DOCK3: variants seen among roughly 807,000 people sequenced by gnomAD.
DOCK3 encodes dedicator of cytokinesis protein 3.
DOCK3 carries 60 observed loss-of-function variants against 265.6 expected under a neutral mutation model. The observed-to-expected ratio is 0.23, with a 90% CI of 0.18 to 0.28. The LOEUF is 0.28. DOCK3 is among the 10% of genes least tolerant of loss of function. The pLI, the probability that DOCK3 is intolerant of heterozygous loss-of-function variation, is 1.00. For synonymous variants in DOCK3, 881 were observed against 938.0 expected (o/e 0.94, Z 1.11); for missense variants, 1,981 against 2,594.3 (o/e 0.76, Z 5.14).
intron 9 of DOCK3, among the ~76,000 whole-genome samples, chr3:51,136,107 C>G (rs1240752697): frequency 6.6e-6 from 1 of 152,130 alleles, no homozygotes; most frequent in East Asian, 1.9e-4. Context: ...CCTGGAATAC[C>G]TTTTTCTTCA....
chr3:51,347,632 A>G (rs1345746173), intron 38 of DOCK3, among the ~76,000 whole-genome samples: 9 of 152,002 alleles, frequency 5.9e-5, no homozygotes, highest in South Asian at 4.2e-4. Flanking sequence ...GCTCTTTTTC[A>G]GTTCCATATG....
chr3:51,161,272 G>A (rs1301433583), intron 12 of DOCK3, among the ~76,000 whole-genome samples: 1 of 151,586 alleles, frequency 6.6e-6, no homozygotes, highest in Non-Finnish European at 1.5e-5. Context: ...GTGAAACCCT[G>A]TCTCTACTAA....
intron 27 of DOCK3, among the ~76,000 whole-genome samples, chr3:51,282,947 T>G (rs182122177): frequency 8.9e-4 from 135 of 152,224 alleles, no homozygotes; most frequent in Non-Finnish European, 1.7e-3. Context: ...AGCAAAATAC[T>G]AGCAAACTGA....
chr3:50,785,085 A>G (rs894024669), intron 2 of DOCK3, among the ~76,000 whole-genome samples: 32 of 152,212 alleles, frequency 2.1e-4, no homozygotes, highest in African/African-American at 7.7e-4. Context: ...TGAACCTGGG[A>G]GGCAGAGGTT....
intron 22 of DOCK3, among the ~76,000 whole-genome samples, chr3:51,251,550 A>G (rs2079240061): frequency 6.6e-6 from 1 of 152,156 alleles, no homozygotes; most frequent in African/African-American, 2.4e-5. Flanking sequence ...CTGACTTTTT[A>G]ATGATCGCCA....
rs568578884 is a variant in DOCK3, at chr3:51,100,542, G to A, written c.746+10158G>A. Among the ~76,000 whole-genome samples, 5 of 152,258 alleles carry A rather than the reference G, an allele frequency of 3.3e-5. No homozygotes were observed. The South Asian group carries it at 1.0e-3, about 32-fold the overall frequency. The stretch of plus-strand genomic sequence containing the variant: ...TCACCTCTGAACCATGCGTATCCAA[G>A]GCAGACGCAAAGCAGCTAGCAACAA... On this transcript the variant is annotated intron_variant, in intron 9 of 52. Coordinates refer to ENST00000266037, the MANE Select transcript of DOCK3 (RefSeq NM_004947.5).
At chr3:51,144,555 T>C (rs1213750056) in intron 9 of DOCK3, among the ~76,000 whole-genome samples, 1 of 152,222 alleles carries the variant, frequency 6.6e-6, no homozygotes, top group Non-Finnish European at 1.5e-5. Flanking sequence ...TCATTGTCCC[T>C]CAGCAATCTG....
intron 1 of DOCK3, among the ~76,000 whole-genome samples, chr3:50,754,259 A>G (rs1442451157): frequency 6.6e-6 from 1 of 151,792 alleles, no homozygotes; most frequent in East Asian, 1.9e-4. Flanking sequence ...ACACAAGGAC[A>G]TAAATATGGG....
chr3:50,697,522 C>T (rs1011123011), intron 1 of DOCK3, among the ~76,000 whole-genome samples: 7 of 152,194 alleles, frequency 4.6e-5, no homozygotes, highest in South Asian at 4.1e-4. Context: ...GCCCAGGAGG[C>T]GGAGGTTGCA....
At chr3:50,724,257 T>G (rs1315719669) in intron 1 of DOCK3, among the ~76,000 whole-genome samples, 1 of 152,140 alleles carries the variant, frequency 6.6e-6, no homozygotes, top group Non-Finnish European at 1.5e-5. Flanking sequence ...GGAGTGTAAA[T>G]TAGTTAAGCC....
Position 51,260,099 on chromosome 3 carries a change from G to A in DOCK3, c.2185-57G>A, listed in dbSNP as rs542895083. On this transcript the variant is annotated intron_variant, in intron 22 of 52. Coordinates refer to ENST00000266037, the MANE Select transcript of DOCK3 (RefSeq NM_004947.5). ...TACTTTGCCCCTTGTTTCCTGCTAT[G>A]TGAGTTCCTGAGCATCTTCAACATC... 68 of 1,549,872 alleles carry A rather than the reference G, an allele frequency of 4.4e-5. No individual in the cohort carries two copies. The South Asian group carries it at 7.9e-4, about 18-fold the overall frequency.
chr3:51,338,041 G>A (rs556797959), intron 35 of DOCK3, among the ~76,000 whole-genome samples: 41 of 152,288 alleles, frequency 2.7e-4, no homozygotes, highest in African/African-American at 8.7e-4. Context: ...TGAGGATTTG[G>A]CCTTCCACTT....
chr3:51,268,698 G>A (rs1337470060), intron 23 of DOCK3, among the ~76,000 whole-genome samples: 1 of 152,090 alleles, frequency 6.6e-6, no homozygotes, highest in African/African-American at 2.4e-5. Context: ...CAGCCCAGAG[G>A]ACAGGTGATC....
intron 35 of DOCK3, among the ~76,000 whole-genome samples, chr3:51,335,528 G>T (rs536458546): frequency 6.6e-6 from 1 of 152,242 alleles, no homozygotes; most frequent in Non-Finnish European, 1.5e-5. Flanking sequence ...AAGAGGACCA[G>T]CTCCTTGAGG....
chr3:51,329,105 A>T (rs2084348665), intron 32 of DOCK3, among the ~76,000 whole-genome samples: 1 of 152,228 alleles, frequency 6.6e-6, no homozygotes, highest in Admixed American at 6.5e-5. Flanking sequence ...GTGAGCCGAG[A>T]TCGCGCCTGT....
At chr3:51,331,507 G>GGA (rs2084514632) in intron 33 of DOCK3, among the ~76,000 whole-genome samples, 1 of 151,704 alleles carries the variant, frequency 6.6e-6, no homozygotes, top group Non-Finnish European at 1.5e-5. Flanking sequence ...CTGATAACAT[G>GGA]GAGCAGCATT....
chr3:51,186,103 C>T lies in DOCK3; in HGVS notation c.1038-22671C>T, dbSNP rs372235141. ...GGGCTCAGAAGAAGACAGGAAAATG[C>T]GGGAAAGTTTGAAACTTCCTGTAGA... On this transcript the variant is annotated intron_variant, in intron 12 of 52. Coordinates refer to ENST00000266037, the MANE Select transcript of DOCK3 (RefSeq NM_004947.5). 6.9e-4 allele frequency among the ~76,000 whole-genome samples: 105 copies of T among 152,182 alleles called. 2 individuals carry two copies. Among genetic ancestry groups the T allele is most frequent in the Admixed American group, 2.0e-3 (30 of 15,280 alleles).
chr3:51,149,016 C>T (rs891248890), intron 10 of DOCK3, among the ~76,000 whole-genome samples: 9 of 152,166 alleles, frequency 5.9e-5, no homozygotes, highest in Admixed American at 1.3e-4. Flanking sequence ...TCTTTTATTT[C>T]GTTGAGCAGT....
At chr3:50,793,958 C>A (rs1396872832) in intron 2 of DOCK3, among the ~76,000 whole-genome samples, 1 of 152,108 alleles carries the variant, frequency 6.6e-6, no homozygotes, top group Non-Finnish European at 1.5e-5. Context: ...TTTCAAAGAA[C>A]TTGTTGATTT....
Sources: gnomAD v4.1 joint callset for allele counts (sites outside exome capture counted in the v4.1 genomes callset) on GRCh38, gnomAD v4.1.1 for gene constraint, MANE v1.5 for transcripts, NCBI Gene and HGNC (gene_info 2026-07-23, HGNC 2026-07-21) for gene names.